Variants in MTA3 observed in about 807,000 individuals in gnomAD.
MTA3 encodes metastasis associated 1 family member 3.
Under a neutral mutation model 83.5 loss-of-function variants are expected in MTA3, and 34 were observed. The observed-to-expected ratio is 0.41, with a 90% CI of 0.31 to 0.54. The LOEUF (loss-of-function observed/expected upper bound fraction) is 0.54. Among genes scored for constraint, MTA3 ranks in the 20% least tolerant of loss-of-function variants. MTA3 has a pLI of 0.33. For synonymous variants in MTA3, 303 were observed against 252.7 expected, an observed-to-expected ratio of 1.20 and a Z score of -1.89; for missense variants, 761 against 726.4, an observed-to-expected ratio of 1.05 and a Z score of -0.55.
At chr2:42,673,090 A>AC (rs1017307403) in intron 8 of MTA3, among the ~76,000 whole-genome samples, 18 of 150,072 alleles carry the variant, frequency 1.2e-4, no homozygotes, top group Admixed American at 2.7e-4. Flanking sequence ...CAAGTGATCC[A>AC]CCCCCGCCCC....
At chr2:42,635,426 G>A (rs938424592) in intron 4 of MTA3, among the ~76,000 whole-genome samples, 1 of 151,972 alleles carries the variant, frequency 6.6e-6, no homozygotes, top group Non-Finnish European at 1.5e-5. Context: ...TTAGGAGTTC[G>A]AGACCAGCCT....
chr2:42,538,030 AGACCATCCTGG>A (rs1216711910), intron 2 of MTA3, among the ~76,000 whole-genome samples: 1 of 151,788 alleles, frequency 6.6e-6, no homozygotes, highest in East Asian at 1.9e-4. Context: ...CAGGAGATTG[AGACCATCCTGG>A]CTAACACGGT....
intron 2 of MTA3, among the ~76,000 whole-genome samples, chr2:42,540,568 C>T (rs903296859): frequency 1.3e-5 from 2 of 152,056 alleles, no homozygotes; most frequent in Non-Finnish European, 2.9e-5. Context: ...GGCACAGTAG[C>T]TCACACCTCT....
chr2:42,545,955 A>G (rs1005532246), intron 2 of MTA3, among the ~76,000 whole-genome samples: 1 of 152,200 alleles, frequency 6.6e-6, no homozygotes, highest in African/African-American at 2.4e-5. Flanking sequence ...GCCTTCCCAG[A>G]AAGATTTCAA....
chr2:42,504,568 G>A (rs1448264779), intron 2 of MTA3, among the ~76,000 whole-genome samples: 2 of 151,996 alleles, frequency 1.3e-5, no homozygotes, highest in African/African-American at 4.8e-5. Context: ...AAGATGAGAA[G>A]CCACCAGAGG....
intron 16 of MTA3, among the ~76,000 whole-genome samples, chr2:42,749,994 TATTTA>T (rs1019717901): frequency 6.6e-6 from 1 of 152,094 alleles, no homozygotes; most frequent in African/African-American, 2.4e-5. Context: ...ATTTTTATTT[TATTTA>T]TTTATTTTTT....
chr2:42,698,252 A>G (rs915159366), intron 11 of MTA3, among the ~76,000 whole-genome samples: 2 of 152,202 alleles, frequency 1.3e-5, no homozygotes, highest in African/African-American at 2.4e-5. Flanking sequence ...TCCAATGGCA[A>G]TTAGAACCAT....
At position 42,754,348 on chromosome 2, in the gene MTA3, A is replaced by G. The variant is rs1670096262; in HGVS notation, c.*949A>G. ...GAGTGAGAGAACTGTGTTTGTGGGT[A>G]TGAGTCTGTGTGGCCAACCCCATGA... is the stretch of plus-strand genomic sequence containing the variant. On this transcript the variant is annotated 3_prime_UTR_variant, in exon 17 of 17. Coordinates refer to ENST00000405094, the MANE Select transcript of MTA3 (RefSeq NM_001330442.2). 1 of 985,386 alleles carries G rather than the reference A, an allele frequency of 1.0e-6. No individual in the cohort carries two copies. Among genetic ancestry groups the G allele is most frequent in the African/African-American group, 1.7e-5 (1 of 57,240 alleles). 61.0% of individuals were successfully genotyped at this position (985,386 alleles called of 1,614,324 possible).
intron 9 of MTA3, among the ~76,000 whole-genome samples, chr2:42,683,354 T>G (rs1692096252): frequency 2.0e-5 from 3 of 152,168 alleles, no homozygotes; most frequent in African/African-American, 7.2e-5. Context: ...GTAGGAGAAT[T>G]TGTTTTATGG....
chr2:42,662,742 T>C (rs967371061), intron 8 of MTA3, among the ~76,000 whole-genome samples: 5 of 150,620 alleles, frequency 3.3e-5, no homozygotes, highest in African/African-American at 1.2e-4. Context: ...CTTTTTTTTT[T>C]TTTTTTTGAG....
At chr2:42,708,174 A>G in intron 13 of MTA3, 120 bp downstream of exon 13, 1 of 991,278 alleles carries the variant, frequency 1.0e-6, no homozygotes, top group South Asian at 2.4e-5. Context: ...TTATAGCTAA[A>G]CGTAGCACTA....
At chr2:42,568,602 C>T (rs1164893438), upstream of MTA3, 2 of 310,518 alleles carry the variant, frequency 6.4e-6, no homozygotes, top group African/African-American at 4.5e-5. Context: ...CCCCCACCCC[C>T]TGTCCCCTCC....
intron 2 of MTA3, among the ~76,000 whole-genome samples, chr2:42,532,408 G>T (rs1676021897): frequency 6.6e-6 from 1 of 152,168 alleles, no homozygotes; most frequent in Non-Finnish European, 1.5e-5. Context: ...TACCTGGGAG[G>T]CTGAGGCAGG....
At chr2:42,696,596 A>G (rs1693410376) in intron 10 of MTA3, among the ~76,000 whole-genome samples, 1 of 152,218 alleles carries the variant, frequency 6.6e-6, no homozygotes, top group African/African-American at 2.4e-5. Context: ...AAAAAATTTT[A>G]TGAATCACTT....
At chr2:42,590,000 A>G (rs1049438774) in intron 3 of MTA3, among the ~76,000 whole-genome samples, 4 of 152,146 alleles carry the variant, frequency 2.6e-5, no homozygotes, top group African/African-American at 9.6e-5. Context: ...ATGAGGAGAG[A>G]TCAGTCTGAT....
chr2:42,731,878 T>G (rs1668255484), intron 16 of MTA3, among the ~76,000 whole-genome samples: 1 of 152,126 alleles, frequency 6.6e-6, no homozygotes, highest in South Asian at 2.1e-4. Context: ...ACAGTGGGGG[T>G]ACAGGTATTG....
rs1216600680 is a variant in MTA3 at position 42,729,086 on chromosome 2, G to GTTTTTTTTTTTT, written c.1759+6067_1759+6078dup. On this transcript the variant is annotated intron_variant, in intron 16 of 16. Coordinates refer to ENST00000405094, the MANE Select transcript of MTA3 (RefSeq NM_001330442.2). The stretch of plus-strand genomic sequence containing the variant: ...TTCTTTTATTAGTTTCACAGTTTGA[G>GTTTTTTTTTTTT]TTTTTTTTTTTTTTTTTTTTTTTTT... Among the ~76,000 whole-genome samples the GTTTTTTTTTTTT allele has an allele frequency of 6.5e-4, 39 of 60,128 alleles. 8 individuals carry two copies. The highest frequency in any genetic ancestry group is 3.0e-3 in the East Asian group (4 of 1,330). The allele number at this position is 60,128 out of a possible 152,430, so 39.4% of individuals were successfully genotyped here.
intron 14 of MTA3, among the ~76,000 whole-genome samples, chr2:42,710,700 C>T (rs1326355543): frequency 1.3e-5 from 2 of 152,138 alleles, no homozygotes; most frequent in Non-Finnish European, 2.9e-5. Context: ...ACTTACGTTA[C>T]CACTTTCCCA....
intron 16 of MTA3, among the ~76,000 whole-genome samples, chr2:42,730,589 T>C (rs1668169097): frequency 6.6e-6 from 1 of 152,250 alleles, no homozygotes; most frequent in Non-Finnish European, 1.5e-5. Flanking sequence ...TCTTGTTAAA[T>C]GAATTGTTGA....
Sources: allele counts gnomAD v4.1 joint callset (sites outside exome capture counted in the v4.1 genomes callset), GRCh38; gene constraint gnomAD v4.1.1; transcripts MANE v1.5; gene names NCBI Gene and HGNC (gene_info 2026-07-23, HGNC 2026-07-21).